The following MAP3K9 variants were observed in gnomAD, a reference collection of about 807,000 sequenced individuals.
MAP3K9 encodes mitogen-activated protein kinase kinase kinase 9, also known as mixed lineage kinase 1 (tyr and ser/thr specificity).
A neutral mutation model predicts 95.8 loss-of-function variants in MAP3K9; 46 were observed. That is an observed-to-expected ratio of 0.48 (90% CI 0.38 to 0.61). The LOEUF is 0.61. Ranked by LOEUF, MAP3K9 falls within the 20% of genes least tolerant of loss-of-function variation. The pLI is 0.00. For missense variants in MAP3K9, 1,296 were observed against 1,474.3 expected, an observed-to-expected ratio of 0.88 and a Z score of 1.98; for synonymous variants, 533 against 593.8, an observed-to-expected ratio of 0.90 and a Z score of 1.49.
chr14:70,799,080 A>G (rs76277778), intron 2 of MAP3K9, among the ~76,000 whole-genome samples: 1,582 of 152,344 alleles, frequency 0.01, 20 homozygotes, highest in Non-Finnish European at 0.017. Context: ...CAAATGTAAT[A>G]GTTGTTCTCT....
rs559132776 is a variant in MAP3K9, at chr14:70,761,382, C to G, written c.821-200G>C. ...GTACCACCCATTTTATAGCCACTATCTCTAATCCTCACAACAACTTACAAG... is the reference window on the plus strand; with the variant it reads ...GTACCACCCATTTTATAGCCACTATGTCTAATCCTCACAACAACTTACAAG... On this transcript the variant is annotated intron_variant, in intron 2 of 11. Coordinates refer to ENST00000554752, the MANE Select transcript of MAP3K9 (RefSeq NM_001284230.2). Among the ~76,000 whole-genome samples, 12 of 152,336 alleles carry G rather than the reference C, an allele frequency of 7.9e-5. No individual in the cohort carries two copies. The South Asian group carries it at 2.1e-3, about 26-fold the overall frequency.
chr14:70,750,402 T>G (rs959318922), intron 3 of MAP3K9, among the ~76,000 whole-genome samples: 33 of 152,352 alleles, frequency 2.2e-4, no homozygotes, highest in African/African-American at 7.7e-4. Flanking sequence ...GGCAAGGCTA[T>G]TGTTGAATTA....
rs1413327928 is a variant in MAP3K9, at chr14:70,722,825, C to G, written c.*7555G>C. 6.6e-6 allele frequency: 1 copy of G among 152,158 alleles called. No individual in the cohort carries two copies. Among genetic ancestry groups the G allele is most frequent in the African/African-American group, 2.4e-5 (1 of 41,438 alleles). 9.4% of individuals were successfully genotyped at this position (152,158 alleles called of 1,614,324 possible). A position where few individuals can be genotyped will look rare whatever the true frequency, so the allele number is the denominator to read the frequency against. Reference sequence around the variant, plus strand: ...GGGGTCAGGACACATGAACAAGACACTGGAGCAGAGAAGGTCTAGGGATAA... The same window carrying G: ...GGGGTCAGGACACATGAACAAGACAGTGGAGCAGAGAAGGTCTAGGGATAA... On this transcript the variant is annotated 3_prime_UTR_variant, in exon 12 of 12. Coordinates refer to ENST00000554752, the MANE Select transcript of MAP3K9 (RefSeq NM_001284230.2).
In MAP3K9 at chr14:70,725,277, C is replaced by G. The variant is rs2053805049; in HGVS notation, c.*5103G>C. ...AAGCCAGGGCTCCCTAGGCAGCCTA[C>G]AGAGGCCCCCGTACTTCCAGGGCCC... On this transcript the variant is annotated 3_prime_UTR_variant, in exon 12 of 12. Transcript: ENST00000554752. 6.6e-6 allele frequency: 1 copy of G among 152,276 alleles called. No homozygotes were observed. Among genetic ancestry groups the G allele is most frequent in the African/African-American group, 2.4e-5 (1 of 41,460 alleles). The allele number at this position is 152,276 out of a possible 1,614,324, so 9.4% of individuals were successfully genotyped here.
chr14:70,740,443 G>A (rs1594769938), intron 6 of MAP3K9, among the ~76,000 whole-genome samples: 1 of 152,216 alleles, frequency 6.6e-6, no homozygotes, highest in Non-Finnish European at 1.5e-5. Context: ...AAGCAGTTAT[G>A]TATTAAGAAT....
intron 5 of MAP3K9, among the ~76,000 whole-genome samples, 169 bp from the exon 6 acceptor site, chr14:70,742,760 C>T (rs1259679485): frequency 6.6e-6 from 1 of 151,962 alleles, no homozygotes. Flanking sequence ...ATTAGACCAC[C>T]TTGAATGGTG....
intron 3 of MAP3K9, among the ~76,000 whole-genome samples, chr14:70,756,027 T>C (rs879758447): frequency 6.6e-6 from 1 of 152,208 alleles, no homozygotes. Context: ...TCAAGCCTGC[T>C]TTTAGGATCA....
chr14:70,740,342 G>A (rs2054052875), intron 6 of MAP3K9, among the ~76,000 whole-genome samples, 178 bp from the exon 7 acceptor site: 1 of 152,166 alleles, frequency 6.6e-6, no homozygotes, highest in African/African-American at 2.4e-5. Context: ...GGGACATGGG[G>A]AGATGAACGT....
chr14:70,737,927 C>T (rs1051777407), intron 8 of MAP3K9, among the ~76,000 whole-genome samples: 10 of 152,274 alleles, frequency 6.6e-5, no homozygotes, highest in Non-Finnish European at 1.3e-4. Flanking sequence ...TAGCCACACT[C>T]GCTCATTTAC....
intron 3 of MAP3K9, among the ~76,000 whole-genome samples, chr14:70,752,421 G>C (rs2054241835): frequency 6.6e-6 from 1 of 152,192 alleles, no homozygotes; most frequent in South Asian, 2.1e-4. Flanking sequence ...TGGTCAGACA[G>C]TCCTGCAGGC....
chr14:70,762,392 C>T (rs766157039), intron 2 of MAP3K9, among the ~76,000 whole-genome samples: 3 of 152,156 alleles, frequency 2.0e-5, no homozygotes, highest in South Asian at 2.1e-4. Context: ...CACATCCTCA[C>T]GAATACTTGT....
chr14:70,783,012 T>A (rs999311928), intron 2 of MAP3K9, among the ~76,000 whole-genome samples: 32 of 152,242 alleles, frequency 2.1e-4, no homozygotes, highest in Non-Finnish European at 1.0e-4. Flanking sequence ...GTTCTCTGCC[T>A]TCAGTGAATG....
At chr14:70,738,924 AC>A (rs956343204) in intron 7 of MAP3K9, among the ~76,000 whole-genome samples, 1 of 152,176 alleles carries the variant, frequency 6.6e-6, no homozygotes, top group African/African-American at 2.4e-5. Flanking sequence ...TGACATTAAT[AC>A]CTTGGAGCAA....
intron 4 of MAP3K9, chr14:70,749,640 A>G (rs2054198503): frequency 6.1e-6 from 2 of 326,456 alleles, no homozygotes; most frequent in African/African-American, 2.1e-5. Context: ...AGGTCCTGAC[A>G]TAAAAGTTGC....
intron 2 of MAP3K9, among the ~76,000 whole-genome samples, chr14:70,764,832 C>T (rs1484722755): frequency 2.0e-5 from 3 of 151,596 alleles, no homozygotes; most frequent in Admixed American, 1.3e-4. Flanking sequence ...TGAGACCTCT[C>T]TCTCAAAAAC....
chr14:70,758,576 T>C (rs2054328004), intron 3 of MAP3K9, among the ~76,000 whole-genome samples: 3 of 152,136 alleles, frequency 2.0e-5, no homozygotes, highest in Admixed American at 6.5e-5. Context: ...GAAAAAAATA[T>C]GTTTACACAA....
At chr14:70,783,943 A>T (rs1428986638) in intron 2 of MAP3K9, among the ~76,000 whole-genome samples, 1 of 152,258 alleles carries the variant, frequency 6.6e-6, no homozygotes. Context: ...ATAAACAATC[A>T]TCTGTGAATG....
intron 2 of MAP3K9, among the ~76,000 whole-genome samples, chr14:70,788,718 A>G (rs17108539): frequency 0.24 from 36,993 of 152,168 alleles, 4,671 homozygotes; most frequent in East Asian, 0.33. Context: ...TGTGATTATC[A>G]AAACTATAAA....
chr14:70,761,268 T>G (rs550370023), intron 2 of MAP3K9, 86 bp from the exon 3 acceptor site: 8 of 1,147,390 alleles, frequency 7.0e-6, no homozygotes, highest in African/African-American at 1.5e-5. Flanking sequence ...GCCATCCTCC[T>G]GGCCTCTCCT....
Sources: allele counts gnomAD v4.1 joint callset (sites outside exome capture counted in the v4.1 genomes callset), GRCh38; gene constraint gnomAD v4.1.1; transcripts MANE v1.5; gene names NCBI Gene and HGNC (gene_info 2026-07-23, HGNC 2026-07-21).